The following SAMD4A variants were observed in gnomAD, a reference collection of about 807,000 sequenced individuals.
SAMD4A encodes sterile alpha motif domain containing 4A.
Under a neutral mutation model 81.3 loss-of-function variants are expected in SAMD4A, and 33 were observed. The ratio of observed to expected loss-of-function variants is 0.41; its 90% CI spans 0.31 to 0.54. The LOEUF is 0.54. SAMD4A is among the 20% of genes least tolerant of loss of function. SAMD4A has a pLI of 0.37. For missense variants in SAMD4A, 854 were observed against 951.1 expected (o/e 0.90, Z 1.34); for synonymous variants, 389 against 382.1 (o/e 1.02, Z -0.21).
At chr14:54,687,514 A>G (rs1040500538) in intron 2 of SAMD4A, 1 of 376,332 alleles carries the variant, frequency 2.7e-6, no homozygotes, top group African/African-American at 2.1e-5. Flanking sequence ...ACTGCAAACA[A>G]GTTGTGCTCA....
chr14:54,775,267 TCA>T (rs1383134670), intron 10 of SAMD4A, 132 bp downstream of exon 10: 2 of 942,504 alleles, frequency 2.1e-6, no homozygotes, highest in African/African-American at 1.6e-5. Flanking sequence ...CCACCATTCC[TCA>T]GAGGTAACAG....
intron 12 of SAMD4A, among the ~76,000 whole-genome samples, chr14:54,788,054 A>C (rs1566642036): frequency 6.6e-6 from 1 of 152,110 alleles, no homozygotes. Flanking sequence ...TCCAAAACGT[A>C]GATGTGGCAG....
chr14:54,598,374 A>C (rs1487078923), intron 2 of SAMD4A, among the ~76,000 whole-genome samples: 1 of 152,188 alleles, frequency 6.6e-6, no homozygotes, highest in Non-Finnish European at 1.5e-5. Flanking sequence ...TACTGTATGC[A>C]TCCTATTTTA....
intron 8 of SAMD4A, among the ~76,000 whole-genome samples, chr14:54,764,965 T>C (rs970265997): frequency 7.9e-5 from 12 of 152,230 alleles, no homozygotes; most frequent in African/African-American, 2.9e-4. Flanking sequence ...ATAATGAATG[T>C]GTATATGTGT....
chr14:54,717,069 T>C (rs1189293413), intron 3 of SAMD4A, among the ~76,000 whole-genome samples: 1 of 152,086 alleles, frequency 6.6e-6, no homozygotes, highest in African/African-American at 2.4e-5. Context: ...GCTTGCAAAG[T>C]TGGGAGAATT....
At chr14:54,625,256 CA>C (rs1461008214) in intron 2 of SAMD4A, among the ~76,000 whole-genome samples, 3 of 152,296 alleles carry the variant, frequency 2.0e-5, no homozygotes, top group Admixed American at 2.0e-4. Flanking sequence ...ATAATTTCAG[CA>C]GTTGGAGTAA....
chr14:54,752,294 G>T (rs895160552), intron 6 of SAMD4A, among the ~76,000 whole-genome samples: 6 of 152,204 alleles, frequency 3.9e-5, no homozygotes, highest in Non-Finnish European at 7.3e-5. Context: ...TTTCATCTAA[G>T]ATCCAAAGGA....
upstream of SAMD4A, among the ~76,000 whole-genome samples, chr14:54,565,316 A>C (rs1230000306): frequency 2.0e-5 from 3 of 152,238 alleles, no homozygotes; most frequent in Non-Finnish European, 4.4e-5. The surrounding 1 kb of genome is among the most constrained non-coding windows in gnomAD (Gnocchi z 5.4). Flanking sequence ...GCTCCAGGCC[A>C]GAAGCCGCAG....
chr14:54,607,185 A>C (rs565005705), intron 2 of SAMD4A, among the ~76,000 whole-genome samples: 1 of 152,218 alleles, frequency 6.6e-6, no homozygotes, highest in African/African-American at 2.4e-5. Flanking sequence ...ATTCCCATGG[A>C]GGGAGGGCGT....
intron 2 of SAMD4A, among the ~76,000 whole-genome samples, chr14:54,593,830 C>A (rs898591971): frequency 3.3e-5 from 5 of 152,100 alleles, no homozygotes; most frequent in Non-Finnish European, 1.5e-5. Flanking sequence ...GAGAGATGGT[C>A]TTCTTAGGTC....
At chr14:54,572,643 G>T (rs1190893385) in intron 2 of SAMD4A, among the ~76,000 whole-genome samples, 1 of 152,206 alleles carries the variant, frequency 6.6e-6, no homozygotes, top group Non-Finnish European at 1.5e-5. Context: ...GAGGGCATAA[G>T]TTGTAGAAGA....
At chr14:54,664,367 C>T (rs374676922) in intron 2 of SAMD4A, among the ~76,000 whole-genome samples, 6 of 152,222 alleles carry the variant, frequency 3.9e-5, no homozygotes, top group East Asian at 1.9e-4. Flanking sequence ...TTTGTAGGGG[C>T]GGCAGCCGGC....
intron 2 of SAMD4A, among the ~76,000 whole-genome samples, chr14:54,589,836 A>T (rs1183698346): frequency 1.3e-5 from 2 of 152,148 alleles, no homozygotes; most frequent in Non-Finnish European, 2.9e-5. Context: ...CAATGTCTGC[A>T]TGGTTTACTT....
intron 12 of SAMD4A, among the ~76,000 whole-genome samples, chr14:54,787,453 C>T (rs1052526041): frequency 6.6e-6 from 1 of 152,206 alleles, no homozygotes; most frequent in African/African-American, 2.4e-5. Context: ...GGAACCAACC[C>T]CCTGTGGTGG....
chr14:54,699,915 A>ACTT lies in SAMD4A; in HGVS notation c.197-2144_197-2142dup, dbSNP rs2036669769. On this transcript the variant is annotated intron_variant, in intron 2 of 12. Transcript: ENST00000554335. Reference sequence around the variant, plus strand: ...TAATCTCTCCTGCTTCGGTTTGGAGACTTCTACAAGTAGTTGACTCTTTGG... The same window carrying ACTT: ...TAATCTCTCCTGCTTCGGTTTGGAGACTTCTTCTACAAGTAGTTGACTCTTTGG... 6.6e-5 allele frequency among the ~76,000 whole-genome samples: 10 copies of ACTT among 151,534 alleles called. No homozygotes were observed. In the South Asian group the frequency reaches 1.9e-3, roughly 29 times the overall value.
At chr14:54,566,773 G>C (rs1422628461), upstream of SAMD4A, among the ~76,000 whole-genome samples, 2 of 151,932 alleles carry the variant, frequency 1.3e-5, no homozygotes, top group Non-Finnish European at 1.5e-5. Flanking sequence ...ACGCACACGC[G>C]CGCGCACAGT....
chr14:54,709,761 CAATT>C (rs1184062473), intron 3 of SAMD4A, among the ~76,000 whole-genome samples: 2 of 152,166 alleles, frequency 1.3e-5, no homozygotes, highest in Non-Finnish European at 2.9e-5. Flanking sequence ...CCATCAAGAG[CAATT>C]AATTCCAAAT....
At chr14:54,757,379 TTATTTGTG>T (rs1293957943) in intron 6 of SAMD4A, among the ~76,000 whole-genome samples, 2 of 124,298 alleles carry the variant, frequency 1.6e-5, no homozygotes, top group Non-Finnish European at 3.3e-5. Context: ...TTTGGTTTCT[TTATTTGTG>T]TGTGTGTGTG....
At chr14:54,701,033 G>C (rs1037551623) in intron 2 of SAMD4A, 1 of 129,380 alleles carries the variant, frequency 7.7e-6, no homozygotes, top group Non-Finnish European at 1.6e-5. Flanking sequence ...GGTCTCCTCT[G>C]TCACCCAAGC....
Sources: allele counts gnomAD v4.1 joint callset (sites outside exome capture counted in the v4.1 genomes callset), GRCh38; gene constraint gnomAD v4.1.1; non-coding constraint Gnocchi (gnomAD v3.1); transcripts MANE v1.5; gene names NCBI Gene and HGNC (gene_info 2026-07-23, HGNC 2026-07-21).